PLEKHA7: variants seen among roughly 807,000 people sequenced by gnomAD.
The protein encoded by PLEKHA7 is pleckstrin homology domain-containing family A member 7.
Under a neutral mutation model 170.0 loss-of-function variants are expected in PLEKHA7, and 104 were observed. The observed-to-expected ratio is 0.61, with a 90% CI of 0.52 to 0.72. The LOEUF (loss-of-function observed/expected upper bound fraction) is 0.72, where lower values mean the gene tolerates loss of function less well. PLEKHA7 is among the 30% of genes least tolerant of loss of function. PLEKHA7 has a pLI of 0.00. For synonymous variants in PLEKHA7, 648 were observed against 660.8 expected, an observed-to-expected ratio of 0.98 and a Z score of 0.30; for missense variants, 1,615 against 1,671.7, an observed-to-expected ratio of 0.97 and a Z score of 0.59.
intron 3 of PLEKHA7, among the ~76,000 whole-genome samples, chr11:16,910,691 A>G (rs528076469): frequency 1.3e-5 from 2 of 152,296 alleles, no homozygotes; most frequent in East Asian, 1.9e-4. Context: ...CCAGGGGGTA[A>G]AATCCAGGGA....
At chr11:16,961,270 C>T (rs1862041852) in intron 3 of PLEKHA7, among the ~76,000 whole-genome samples, 1 of 152,246 alleles carries the variant, frequency 6.6e-6, no homozygotes, top group Non-Finnish European at 1.5e-5. Context: ...GAAGAAAGGA[C>T]AGAATCTTGG....
chr11:16,797,741 T>C (rs1399187658), intron 17 of PLEKHA7, among the ~76,000 whole-genome samples: 1 of 152,198 alleles, frequency 6.6e-6, no homozygotes, highest in Non-Finnish European at 1.5e-5. Context: ...CCTCTAGGGC[T>C]GAAGTCCCCA....
At chr11:16,820,751 C>T (rs1850147851) in intron 10 of PLEKHA7, among the ~76,000 whole-genome samples, 1 of 152,222 alleles carries the variant, frequency 6.6e-6, no homozygotes, top group Non-Finnish European at 1.5e-5. Flanking sequence ...AGAGTCCACC[C>T]TCACCTCCCC....
intron 4 of PLEKHA7, among the ~76,000 whole-genome samples, chr11:16,862,310 A>C (rs1854027453): frequency 6.6e-6 from 1 of 152,090 alleles, no homozygotes; most frequent in South Asian, 2.1e-4. Context: ...CTGTTCCCCA[A>C]ATCGGAGTAT....
At chr11:16,868,990 G>A (rs766727197) in intron 4 of PLEKHA7, among the ~76,000 whole-genome samples, 6 of 152,084 alleles carry the variant, frequency 3.9e-5, no homozygotes, top group African/African-American at 7.2e-5. Flanking sequence ...AGGTTCTGAC[G>A]GACTCTCCAT....
At chr11:16,855,163 T>C (rs1853331540) in intron 5 of PLEKHA7, among the ~76,000 whole-genome samples, 170 bp from the exon 6 acceptor site, 2 of 152,058 alleles carry the variant, frequency 1.3e-5, no homozygotes, top group South Asian at 2.1e-4. Flanking sequence ...GGCCACAGCA[T>C]TCTAATTAAA....
At chr11:16,961,922 G>T (rs186132371) in intron 3 of PLEKHA7, among the ~76,000 whole-genome samples, 3 of 152,280 alleles carry the variant, frequency 2.0e-5, no homozygotes, top group Admixed American at 6.5e-5. Context: ...AACACCTATG[G>T]AAGGGTCTGG....
In PLEKHA7 at chr11:16,874,453, C is replaced by A. The variant is rs575961727; in HGVS notation, c.222-3271G>T. ...GCCCAGGAGTCAAGGCTGCAGTGAG[C>A]CATGATTGCACCACTGCACTCCAAC... On this transcript the variant is annotated intron_variant, in intron 3 of 26. Coordinates refer to ENST00000531066, the MANE Select transcript of PLEKHA7 (RefSeq NM_001329630.2). Among the ~76,000 whole-genome samples, 4 of 152,264 alleles carry A rather than the reference C, an allele frequency of 2.6e-5. No individual in the cohort carries two copies. In the East Asian group the frequency reaches 5.8e-4, roughly 22 times the overall value.
intron 3 of PLEKHA7, among the ~76,000 whole-genome samples, chr11:17,006,387 G>T (rs1864994093): frequency 6.6e-6 from 1 of 150,916 alleles, no homozygotes; most frequent in African/African-American, 2.4e-5. Context: ...AGCACTCTGG[G>T]AGGCCAAGGC....
intron 17 of PLEKHA7, among the ~76,000 whole-genome samples, chr11:16,799,999 C>T (rs540613640): frequency 1.3e-5 from 2 of 152,308 alleles, no homozygotes; most frequent in South Asian, 4.1e-4. Context: ...TGGGGTGAGG[C>T]TAATGTCTGG....
At chr11:16,882,566 T>C (rs143084353) in intron 3 of PLEKHA7, among the ~76,000 whole-genome samples, 103 of 152,332 alleles carry the variant, frequency 6.8e-4, no homozygotes, top group African/African-American at 2.4e-3. Flanking sequence ...AACAAGGGCA[T>C]TTGCTTGGAC....
chr11:16,788,704 G>A (rs1054720046), intron 23 of PLEKHA7: 5 of 282,982 alleles, frequency 1.8e-5, no homozygotes, highest in African/African-American at 4.4e-5. Flanking sequence ...GCAGGTCTGG[G>A]AGGCTGATCA....
chr11:16,854,343 A>G (rs932014536), intron 6 of PLEKHA7, among the ~76,000 whole-genome samples: 2 of 152,166 alleles, frequency 1.3e-5, no homozygotes, highest in Admixed American at 1.3e-4. Context: ...GATAGTGCTG[A>G]GGTTTCTAAC....
At chr11:16,872,109 C>T (rs1334285683) in intron 3 of PLEKHA7, among the ~76,000 whole-genome samples, 3 of 151,706 alleles carry the variant, frequency 2.0e-5, no homozygotes, top group African/African-American at 7.3e-5. Context: ...GCTGGAATTA[C>T]AGTTGTGCAC....
chr11:16,817,002 C>A lies in PLEKHA7; in HGVS notation c.1664G>T (p.Arg555Met), dbSNP rs777297293. The change falls in exon 11 of 27, where the codon AGG becomes ATG. Residue 555 changes from arginine (R) to methionine (M), a missense_variant. Coordinates refer to ENST00000531066, the MANE Select transcript of PLEKHA7 (RefSeq NM_001329630.2). This position sits in a 1 kb window ranked among gnomAD's most constrained non-coding sequence, Gnocchi z 4.4. ...SPEFTDQGRS[R>M]SMLEVPRSIS... The stretch of plus-strand genomic sequence containing the variant: ...GGAGCGGGGCACCTCTAGCATGCTC[C>A]TGCTCCGGCCCTGGTCGGTGAACTC... The A allele has an allele frequency of 6.2e-7, 1 of 1,603,754 alleles. No homozygotes were observed. The highest frequency in any genetic ancestry group is 1.1e-5 in the South Asian group (1 of 89,180).
At chr11:16,980,280 T>C (rs1006832252) in intron 3 of PLEKHA7, among the ~76,000 whole-genome samples, 5 of 152,204 alleles carry the variant, frequency 3.3e-5, no homozygotes, top group African/African-American at 1.2e-4. Context: ...GATTATCTCA[T>C]CAACAAGCGT....
At position 16,956,925 on chromosome 11, in the gene PLEKHA7, G is replaced by T. The variant is rs555929287; in HGVS notation, c.221+57064C>A. ...CTGCCTTGAAGAACAGAAAGATAAA[G>T]ACAGCCCAGATGATCCCAAGGAAAG... is the stretch of plus-strand genomic sequence containing the variant. On this transcript the variant is annotated intron_variant, in intron 3 of 26. Coordinates refer to ENST00000531066, the MANE Select transcript of PLEKHA7 (RefSeq NM_001329630.2). 2.0e-5 allele frequency among the ~76,000 whole-genome samples: 3 copies of T among 152,234 alleles called. No homozygotes were observed. The South Asian group carries it at 6.2e-4, about 32-fold the overall frequency.
intron 4 of PLEKHA7, among the ~76,000 whole-genome samples, chr11:16,859,827 G>A (rs1440567652): frequency 6.6e-6 from 1 of 152,230 alleles, no homozygotes; most frequent in Non-Finnish European, 1.5e-5. Flanking sequence ...ATGCCCTCAG[G>A]CACACTGCGT....
intron 3 of PLEKHA7, among the ~76,000 whole-genome samples, chr11:16,895,838 T>G (rs1411154921): frequency 1.3e-5 from 2 of 152,212 alleles, no homozygotes; most frequent in Non-Finnish European, 2.9e-5. Context: ...CAAAATCTAC[T>G]TCTCCTTAGC....
Sources: allele counts gnomAD v4.1 joint callset (sites outside exome capture counted in the v4.1 genomes callset), GRCh38; gene constraint gnomAD v4.1.1; non-coding constraint Gnocchi (gnomAD v3.1); transcripts MANE v1.5; gene names NCBI Gene and HGNC (gene_info 2026-07-23, HGNC 2026-07-21).